The following TASP1 variants were observed in gnomAD, a reference collection of about 807,000 sequenced individuals.
The protein encoded by TASP1 is taspase 1.
Under a neutral mutation model 56.6 loss-of-function variants are expected in TASP1, and 16 were observed. The observed-to-expected ratio is 0.28, with a 90% confidence interval of 0.19 to 0.43. The LOEUF is 0.43. Ranked by LOEUF, TASP1 falls within the 20% of genes least tolerant of loss-of-function variation. The pLI is 1.00. For missense variants in TASP1, 393 were observed against 511.6 expected, an observed-to-expected ratio of 0.77 and a Z score of 2.24; for synonymous variants, 179 against 184.2, an observed-to-expected ratio of 0.97 and a Z score of 0.23.
At chr20:13,578,746 T>C (rs1378567453) in intron 6 of TASP1, among the ~76,000 whole-genome samples, 3 of 152,326 alleles carry the variant, frequency 2.0e-5, no homozygotes, top group Admixed American at 6.5e-5. Flanking sequence ...GACACTGTTA[T>C]CATAGACCAA....
the TASP1 span, among the ~76,000 whole-genome samples, chr20:13,142,507 G>A: frequency 6.6e-6 from 1 of 152,220 alleles, no homozygotes; most frequent in Non-Finnish European, 1.5e-5. Flanking sequence ...GATTAGGCAG[G>A]TGGATTTGTG....
At chr20:13,596,162 C>T (rs139829119) in intron 4 of TASP1, among the ~76,000 whole-genome samples, 6,578 of 152,088 alleles carry the variant, frequency 0.043, 451 homozygotes, top group African/African-American at 0.15. Context: ...CACCTGAGGT[C>T]GGGAGTTCGA....
chr20:13,305,858 G>A, the TASP1 span, among the ~76,000 whole-genome samples: 1 of 152,148 alleles, frequency 6.6e-6, no homozygotes, highest in African/African-American at 2.4e-5. Context: ...TTTCTGTGTA[G>A]AGATTTAAAA....
At chr20:13,392,676 T>C (rs1278863496) in intron 13 of TASP1, 3 of 507,642 alleles carry the variant, frequency 5.9e-6, no homozygotes, top group African/African-American at 5.8e-5. Context: ...GCCACATCCC[T>C]GGTGAAGGTG....
chr20:13,322,738 T>C, the TASP1 span, among the ~76,000 whole-genome samples: 2 of 152,156 alleles, frequency 1.3e-5, no homozygotes, highest in Non-Finnish European at 2.9e-5. Flanking sequence ...GGGTGGAATA[T>C]GTGATCTTTA....
chr20:13,534,172 T>C, intron 8 of TASP1, 31 bp from the exon 9 acceptor site: 1 of 1,612,216 alleles, frequency 6.2e-7, no homozygotes, highest in Non-Finnish European at 8.5e-7. Flanking sequence ...AAGTATTCAC[T>C]AGGCATGGAG....
chr20:13,312,737 A>T, the TASP1 span, among the ~76,000 whole-genome samples: 1 of 152,114 alleles, frequency 6.6e-6, no homozygotes, highest in Non-Finnish European at 1.5e-5. Flanking sequence ...ACTTTGTGCT[A>T]CTCTGGGAAA....
the TASP1 span, among the ~76,000 whole-genome samples, chr20:13,249,778 GCGTTT>G: frequency 7.0e-6 from 1 of 143,122 alleles, no homozygotes; most frequent in Non-Finnish European, 1.5e-5. Flanking sequence ...ATTTTTTGTT[GCGTTT>G]TGTTTTGTTT....
the TASP1 span, among the ~76,000 whole-genome samples, chr20:13,111,921 C>G: frequency 6.6e-6 from 1 of 152,192 alleles, no homozygotes; most frequent in African/African-American, 2.4e-5. Flanking sequence ...ACTCCAGCAG[C>G]AGGGCTTCTT....
At chr20:13,174,114 A>G in the TASP1 span, among the ~76,000 whole-genome samples, 1 of 152,294 alleles carries the variant, frequency 6.6e-6, no homozygotes. Context: ...CAATGTGTAT[A>G]TATGTGAATG....
At chr20:13,568,204 G>A (rs1161156268) in intron 7 of TASP1, among the ~76,000 whole-genome samples, 1 of 151,968 alleles carries the variant, frequency 6.6e-6, no homozygotes, top group African/African-American at 2.4e-5. Context: ...CTGGAATACA[G>A]TGGTGCAATC....
At chr20:13,203,049 C>T in the TASP1 span, among the ~76,000 whole-genome samples, 5,404 of 152,230 alleles carry the variant, frequency 0.035, 295 homozygotes, top group African/African-American at 0.12. Context: ...CTGATGAAAA[C>T]ATCTGTTTTA....
chr20:13,117,662 T>C, the TASP1 span: 2 of 1,614,070 alleles, frequency 1.2e-6, no homozygotes, highest in Non-Finnish European at 8.5e-7. Flanking sequence ...ATGAAGTTGA[T>C]GTGCTCATGG....
chr20:13,120,159 TCTA>T, the TASP1 span, among the ~76,000 whole-genome samples: 1 of 152,216 alleles, frequency 6.6e-6, no homozygotes, highest in Non-Finnish European at 1.5e-5. Context: ...AAAAACTACT[TCTA>T]CTAGTATGTT....
the TASP1 span, among the ~76,000 whole-genome samples, chr20:13,179,406 C>CATATGTGTGT: frequency 1.4e-5 from 2 of 143,404 alleles, no homozygotes; most frequent in African/African-American, 5.2e-5. Context: ...GAATTATGTG[C>CATATGTGTGT]GTGTGTGTGT....
chr20:13,162,903 C>T, the TASP1 span, among the ~76,000 whole-genome samples: 1 of 152,078 alleles, frequency 6.6e-6, no homozygotes, highest in Admixed American at 6.5e-5. Context: ...AGTGTCCTCC[C>T]TCTCCCATCT....
At chr20:13,131,333 T>C in the TASP1 span, among the ~76,000 whole-genome samples, 1 of 152,212 alleles carries the variant, frequency 6.6e-6, no homozygotes, top group African/African-American at 2.4e-5. Context: ...TGCTCTGCAG[T>C]GGTGCCCGGC....
At chr20:13,526,614 T>C (rs1007451808) in intron 10 of TASP1, among the ~76,000 whole-genome samples, 2 of 152,314 alleles carry the variant, frequency 1.3e-5, no homozygotes, top group East Asian at 1.9e-4. Context: ...CGATTCAACA[T>C]TAATTCATTT....
At chr20:13,213,088 A>T in the TASP1 span, among the ~76,000 whole-genome samples, 1 of 152,206 alleles carries the variant, frequency 6.6e-6, no homozygotes, top group Non-Finnish European at 1.5e-5. Context: ...GGCTGGATTA[A>T]ATTCCACTTC....
Sources: gnomAD v4.1 joint callset for allele counts (sites outside exome capture counted in the v4.1 genomes callset) on GRCh38, gnomAD v4.1.1 for gene constraint, MANE v1.5 for transcripts, NCBI Gene and HGNC (gene_info 2026-07-23, HGNC 2026-07-21) for gene names.